Variants in MCRS1 observed in about 807,000 individuals in gnomAD.
The protein encoded by MCRS1 is 58 kDa microspherule protein.
In MCRS1, 22 loss-of-function variants were observed where a neutral mutation model predicts 62.9. The observed-to-expected ratio is 0.35, with a 90% CI of 0.25 to 0.50. The LOEUF (loss-of-function observed/expected upper bound fraction) is 0.50, where lower values mean the gene tolerates loss of function less well. Among genes scored for constraint, MCRS1 ranks in the 20% least tolerant of loss-of-function variants. The pLI, the probability that MCRS1 is intolerant of heterozygous loss-of-function variation, is 0.98. For synonymous variants in MCRS1, 244 were observed against 233.5 expected (o/e 1.04, Z -0.41); for missense variants, 456 against 601.1 (o/e 0.76, Z 2.52).
At chr12:49,563,335 C>T (rs1298048928) in intron 7 of MCRS1, 103 bp downstream of exon 7, 14 of 1,363,524 alleles carry the variant, frequency 1.0e-5, no homozygotes, top group Middle Eastern at 2.1e-4. Context: ...TGCATGTGCA[C>T]ATATCCAGAC....
At position 49,563,020 on chromosome 12, in the gene MCRS1, G is replaced by A. The variant is rs1938852371; in HGVS notation, c.786C>T (p.Tyr262=). ...QAHWQLMKQY[Y]LLEDQTVQPL... ...CGTTACCTGTCTGGTCCTCCAGCAG[G>A]TAATACTGCTTCATGAGCTGCCAGT... Residue 262 remains tyrosine (Y), a synonymous_variant, in exon 8 of 15, where the codon TAC becomes TAT. Coordinates refer to ENST00000343810, the MANE Select transcript of MCRS1 (RefSeq NM_006337.5). 6.3e-7 allele frequency: 1 copy of A among 1,598,234 alleles called. No individual in the cohort carries two copies. The highest frequency in any genetic ancestry group is 8.5e-7 in the Non-Finnish European group (1 of 1,171,292).
At chr12:49,561,049 G>GT (rs527488559) in intron 8 of MCRS1, among the ~76,000 whole-genome samples, 10 of 150,852 alleles carry the variant, frequency 6.6e-5, no homozygotes, top group East Asian at 1.9e-4. Context: ...ATGAAAGTCT[G>GT]TTTTTTTTTC....
At chr12:49,565,238 A>G (rs1938994432) in intron 4 of MCRS1, 3 of 985,050 alleles carry the variant, frequency 3.0e-6, no homozygotes, top group South Asian at 9.4e-5. Flanking sequence ...TTATTTTTAC[A>G]CTCTGCAATG....
At chr12:49,566,055 T>C (rs758604207) in intron 3 of MCRS1, 22 bp downstream of exon 3, 1 of 1,607,444 alleles carries the variant, frequency 6.2e-7, no homozygotes, top group South Asian at 1.1e-5. Flanking sequence ...TCCCAGTTCC[T>C]GGCCCTCCGA....
intron 1 of MCRS1, 93 bp downstream of exon 1, chr12:49,567,955 T>G (rs561041948): frequency 2.0e-5 from 3 of 152,112 alleles, no homozygotes; most frequent in Non-Finnish European, 4.4e-5. Flanking sequence ...GGCCCCAAAC[T>G]TGGGGGGTGG....
chr12:49,559,367 G>C lies in MCRS1; in HGVS notation c.1087-66C>G, dbSNP rs1938629170. 6.2e-7 allele frequency: 1 copy of C among 1,606,582 alleles called. No individual in the cohort carries two copies. On this transcript the variant is annotated intron_variant, in intron 12 of 14. Coordinates refer to ENST00000343810, the MANE Select transcript of MCRS1 (RefSeq NM_006337.5). The surrounding 1 kb of genome is among the most constrained non-coding windows in gnomAD (Gnocchi z 5.2). ...TGGGGGAGTAGGTCTATGCAGGCCA[G>C]AGAAAGATGGGAAACCAAGGACTAC... is the stretch of plus-strand genomic sequence containing the variant.
chr12:49,561,506 G>A (rs1166945573), intron 8 of MCRS1, among the ~76,000 whole-genome samples: 1 of 152,214 alleles, frequency 6.6e-6, no homozygotes, highest in East Asian at 1.9e-4. Flanking sequence ...GGGTCTCCTA[G>A]CTCTCAACGG....
rs373260115 is a variant in MCRS1, at chr12:49,563,462, C to T, written c.642G>A (p.Glu214=). 18 of 1,612,648 alleles carry T rather than the reference C, an allele frequency of 1.1e-5. No homozygotes were observed. In the African/African-American group the frequency reaches 2.3e-4, roughly 20 times the overall value. Reference sequence around the variant, plus strand: ...CCGATCCCACTTTGCTCAGCAGCTGCTCCTCAGCCTTGCTAAACAGGGCCT... The same window carrying T: ...CCGATCCCACTTTGCTCAGCAGCTGTTCCTCAGCCTTGCTAAACAGGGCCT... ...QSKALFSKAE[E]QLLSKVGSTS... is the part of the protein sequence containing the mutation. The change falls in exon 7 of 15, where the codon GAG becomes GAA. Residue 214 remains glutamate (E), a synonymous_variant. Coordinates refer to ENST00000343810, the MANE Select transcript of MCRS1 (RefSeq NM_006337.5).
chr12:49,564,992 C>A, intron 4 of MCRS1, 97 bp from the exon 5 acceptor site: 1 of 1,453,824 alleles, frequency 6.9e-7, no homozygotes, highest in East Asian at 2.4e-5. Flanking sequence ...CAGCGGCAGC[C>A]CCAGCCCCAG....
chr12:49,560,606 G>T (rs1348312255), intron 8 of MCRS1, among the ~76,000 whole-genome samples: 1 of 152,218 alleles, frequency 6.6e-6, no homozygotes, highest in East Asian at 1.9e-4. Flanking sequence ...CCTTTTGTAT[G>T]GGCTTCTTGG....
At chr12:49,566,266 T>A in intron 2 of MCRS1, 51 bp from the exon 3 acceptor site, 1 of 1,586,104 alleles carries the variant, frequency 6.3e-7, no homozygotes, top group South Asian at 1.1e-5. Flanking sequence ...CTAGAGCCTC[T>A]GCAAATGGGA....
Position 49,560,287 on chromosome 12 carries a change from C to T in MCRS1, c.881+8G>A, listed in dbSNP as rs371112180. ...TCTCCACCCCTTCCTGTGTCTCCAG[C>T]CACTCACTTGAGCTTACTGTCATCA... On this transcript the variant is annotated splice_region_variant and intron_variant, in intron 9 of 14. Coordinates refer to ENST00000343810, the MANE Select transcript of MCRS1 (RefSeq NM_006337.5). The T allele has an allele frequency of 3.1e-6, 5 of 1,613,974 alleles. No homozygotes were observed. The South Asian group carries it at 5.5e-5, about 18-fold the overall frequency.
At chr12:49,567,214 G>A (rs148301419) in intron 1 of MCRS1, among the ~76,000 whole-genome samples, 2,721 of 152,078 alleles carry the variant, frequency 0.018, 44 homozygotes, top group Non-Finnish European at 0.029. Flanking sequence ...CAGCTCAGCA[G>A]CACCAGCCTT....
chr12:49,558,959 G>A lies in MCRS1; in HGVS notation c.1186C>T (p.Leu396=), dbSNP rs1454965114. The change falls in exon 14 of 15, where the codon CTG becomes TTG. Residue 396 remains leucine (L), a synonymous_variant. Coordinates refer to ENST00000343810, the MANE Select transcript of MCRS1 (RefSeq NM_006337.5). The part of the protein sequence containing the change: ...KISRKQGVIK[L]KNNGDFFIAN... ...ATGAAGAAATCACCGTTGTTCTTCA[G>A]CTTGATGACACCTGTGGAAGCAGAA... 6.8e-6 allele frequency: 11 copies of A among 1,612,070 alleles called. No homozygotes were observed.
Position 49,558,551 on chromosome 12 carries a change from G to T in MCRS1, c.*92C>A, listed in dbSNP as rs1938569722. 2 of 1,376,626 alleles carry T rather than the reference G, an allele frequency of 1.5e-6. No homozygotes were observed. The highest frequency in any genetic ancestry group is 2.0e-6 in the Non-Finnish European group (2 of 988,764). 85.3% of individuals were successfully genotyped at this position (1,376,626 alleles called of 1,614,324 possible). A position where few individuals can be genotyped will look rare whatever the true frequency, so the allele number is the denominator to read the frequency against. ...CCGCAGCTGAGCCTCCCACTGCCCAGGTTTTTCCAGGAGCCTGAGTTCCCA... is the reference window on the plus strand; with the variant it reads ...CCGCAGCTGAGCCTCCCACTGCCCATGTTTTTCCAGGAGCCTGAGTTCCCA... On this transcript the variant is annotated 3_prime_UTR_variant, in exon 15 of 15. Coordinates refer to ENST00000343810, the MANE Select transcript of MCRS1 (RefSeq NM_006337.5).
chr12:49,565,326 G>A, intron 4 of MCRS1: 2 of 985,390 alleles, frequency 2.0e-6, no homozygotes, highest in Non-Finnish European at 2.4e-6. Context: ...GGATGCAATG[G>A]CAGGGTTGGG....
In MCRS1 at chr12:49,563,122, C is replaced by T. The variant is rs1938860597; in HGVS notation, c.684G>A (p.Leu228=). 6.4e-7 allele frequency: 1 copy of T among 1,562,988 alleles called. No homozygotes were observed. The highest frequency in any genetic ancestry group is 1.4e-5 in the African/African-American group (1 of 73,706). The part of the protein sequence containing the change: ...SKVGSTSQPT[L]ETFQDLLHRH... ...TGTGCAGCAGGTCCTGGAAGGTCTC[C>T]AAGGTGGGCTGGCTGGTCTAGAGGG... Residue 228 remains leucine, a synonymous_variant, in exon 8 of 15, where the codon TTG becomes TTA. Coordinates refer to ENST00000343810, the MANE Select transcript of MCRS1 (RefSeq NM_006337.5).
chr12:49,560,091 C>T, intron 9 of MCRS1, 124 bp from the exon 10 acceptor site: 1 of 1,372,638 alleles, frequency 7.3e-7, no homozygotes, highest in Non-Finnish European at 1.0e-6. Context: ...AGGCCTTGGC[C>T]CAGCCTCCTT....
Position 49,558,421 on chromosome 12 carries a change from G to A in MCRS1, c.*222C>T. ...GGGGGTAGGGTTGTTTTTAGAGAGA[G>A]GAAGATGGGGAGGGGCTCTGGATCT... On this transcript the variant is annotated 3_prime_UTR_variant, in exon 15 of 15. Transcript: ENST00000343810. 1 of 566,566 alleles carries A rather than the reference G, an allele frequency of 1.8e-6. No homozygotes were observed. Among genetic ancestry groups the A allele is most frequent in the Non-Finnish European group, 3.1e-6 (1 of 322,386 alleles). The allele number at this position is 566,566 out of a possible 1,614,324, so 35.1% of individuals were successfully genotyped here. A position where few individuals can be genotyped will look rare whatever the true frequency, so the allele number is the denominator to read the frequency against.
Sources: gnomAD v4.1 joint callset for allele counts (sites outside exome capture counted in the v4.1 genomes callset) on GRCh38, gnomAD v4.1.1 for gene constraint, Gnocchi (gnomAD v3.1) non-coding constraint, MANE v1.5 for transcripts, NCBI Gene and HGNC (gene_info 2026-07-23, HGNC 2026-07-21) for gene names.